Variants in PPP1R3C observed in about 807,000 individuals in gnomAD.
The protein encoded by PPP1R3C is protein phosphatase 1 regulatory subunit 3C.
A neutral mutation model predicts 29.3 loss-of-function variants in PPP1R3C; 20 were observed. That is an observed-to-expected ratio of 0.68 (90% CI 0.48 to 0.99). The LOEUF (loss-of-function observed/expected upper bound fraction) is 0.99, where lower values mean the gene tolerates loss of function less well. PPP1R3C is among the 50% of genes least tolerant of loss of function. The pLI is 0.00. For missense variants in PPP1R3C, 321 were observed against 386.0 expected, an observed-to-expected ratio of 0.83 and a Z score of 1.41; for synonymous variants, 123 against 143.1, an observed-to-expected ratio of 0.86 and a Z score of 1.00.
In PPP1R3C at chr10:91,630,512, G is replaced by A. The variant is rs758798715; in HGVS notation, c.369C>T (p.Ser123=). The A allele has an allele frequency of 1.2e-6, 2 of 1,614,056 alleles. No homozygotes were observed. Among genetic ancestry groups the A allele is most frequent in the African/African-American group, 2.7e-5 (2 of 74,934 alleles). The change falls in exon 2 of 2, where the codon TCC becomes TCT. Residue 123 remains serine, a synonymous_variant. Coordinates refer to ENST00000238994, the MANE Select transcript of PPP1R3C (RefSeq NM_005398.7). This position sits in a 1 kb window ranked among gnomAD's most constrained non-coding sequence, Gnocchi z 4.4. ...QFDLLDLNDI[S]SALKHHEEKN... ...TCTCCTCGTGGTGTTTTAAGGCAGA[G>A]GAGATATCATTAAGGTCCAAGAGAT... is the stretch of plus-strand genomic sequence containing the variant.
chr10:91,631,590 T>C (rs761150729), intron 1 of PPP1R3C, among the ~76,000 whole-genome samples: 1 of 151,882 alleles, frequency 6.6e-6, no homozygotes, highest in Non-Finnish European at 1.5e-5. Flanking sequence ...AGTCAAAGAA[T>C]CATCTTTGCA....
At chr10:91,632,728 T>G (rs1848730079) in intron 1 of PPP1R3C, among the ~76,000 whole-genome samples, 1 of 152,132 alleles carries the variant, frequency 6.6e-6, no homozygotes, top group African/African-American at 2.4e-5. Flanking sequence ...GTTAAGATAA[T>G]TTCTGCTTTA....
chr10:91,630,120 T>C lies in PPP1R3C; in HGVS notation c.761A>G (p.Tyr254Cys). The change falls in exon 2 of 2, where the codon TAT becomes TGT. Residue 254 changes from tyrosine to cysteine, a missense_variant. Physicochemically the swap from Tyr to Cys is radical, Grantham distance 194. Transcript: ENST00000238994. The surrounding 1 kb of genome is among the most constrained non-coding windows in gnomAD (Gnocchi z 4.4). Reference sequence around the variant, plus strand: ...CTTCCATTGAACATGAACAATTCTATAATTCTGACCATCATTGTTGTCCCA... The same window carrying C: ...CTTCCATTGAACATGAACAATTCTACAATTCTGACCATCATTGTTGTCCCA... ...VFWDNNDGQN[Y>C]RIVHVQWKPD... is the part of the protein sequence containing the mutation. 2.5e-6 allele frequency: 4 copies of C among 1,614,228 alleles called. No individual in the cohort carries two copies. The highest frequency in any genetic ancestry group is 3.4e-6 in the Non-Finnish European group (4 of 1,180,044).
Position 91,630,823 on chromosome 10 carries a change from T to C in PPP1R3C, c.58A>G (p.Met20Val), listed in dbSNP as rs750492579. 3 of 1,613,832 alleles carry C rather than the reference T, an allele frequency of 1.9e-6. No homozygotes were observed. The highest frequency in any genetic ancestry group is 1.7e-5 in the Admixed American group (1 of 60,012). ...LDPRPLTSSVMPVDVAMRLCL... is the reference protein window; with the variant it reads ...LDPRPLTSSVVPVDVAMRLCL... ...AGCCTCATGGCCACATCCACGGGCATGACCGAACTTGTCAAAGGACGTGGA... is the reference window on the plus strand; with the variant it reads ...AGCCTCATGGCCACATCCACGGGCACGACCGAACTTGTCAAAGGACGTGGA... Residue 20 changes from methionine (M) to valine (V), a missense_variant, in exon 2 of 2, where the codon ATG becomes GTG. Transcript: ENST00000238994. This position sits in a 1 kb window ranked among gnomAD's most constrained non-coding sequence, Gnocchi z 4.4.
At position 91,629,978 on chromosome 10, in the gene PPP1R3C, G is replaced by A. The variant is rs1313501200; in HGVS notation, c.903C>T (p.Phe301=). 1.9e-6 allele frequency: 3 copies of A among 1,614,200 alleles called. No individual in the cohort carries two copies. Among genetic ancestry groups the A allele is most frequent in the South Asian group, 1.1e-5 (1 of 91,078 alleles). ...TTCTCCCCCAGCTCTGCCACTCTGG[G>A]AAGAGCCCACTAGCCAGCCTCGGAC... ...FGSPRLASGL[F]PEWQSWGRME... Residue 301 remains phenylalanine (F), a synonymous_variant, in exon 2 of 2, where the codon TTC becomes TTT. Transcript: ENST00000238994.
intron 1 of PPP1R3C, 25 bp downstream of exon 1, chr10:91,632,931 G>C: frequency 1.2e-6 from 2 of 1,610,240 alleles, no homozygotes; most frequent in Non-Finnish European, 1.7e-6. Context: ...TGTGTTCCTA[G>C]CGCGCAGAGT....
chr10:91,630,366 G>A lies in PPP1R3C; in HGVS notation c.515C>T (p.Thr172Ile). 6.2e-7 allele frequency: 1 copy of A among 1,614,140 alleles called. No homozygotes were observed. Among genetic ancestry groups the A allele is most frequent in the Non-Finnish European group, 8.5e-7 (1 of 1,180,024 alleles). The change falls in exon 2 of 2, where the codon ACT becomes ATT. Residue 172 changes from threonine to isoleucine, a missense_variant. Physicochemically the swap from Thr to Ile is moderately conservative, Grantham distance 89. Transcript: ENST00000238994. The surrounding 1 kb of genome is among the most constrained non-coding windows in gnomAD (Gnocchi z 4.4). ...AAAACTCACATTTTTGACTTTAACA[G>A]TCCCTGTCACTGTTCGCTCTTGCAA... ...CSLQERTVTG[T>I]VKVKNVSFEK...
At position 91,630,546 on chromosome 10, in the gene PPP1R3C, A is replaced by C. The variant is rs1848706439; in HGVS notation, c.335T>G (p.Leu112Arg). Residue 112 changes from leucine (L) to arginine (R), a missense_variant, in exon 2 of 2, where the codon CTG becomes CGG. Leu to Arg is a moderately radical substitution (Grantham distance 102, BLOSUM62 -2). Coordinates refer to ENST00000238994, the MANE Select transcript of PPP1R3C (RefSeq NM_005398.7). The surrounding 1 kb of genome is among the most constrained non-coding windows in gnomAD (Gnocchi z 4.4). Reference sequence around the variant, plus strand: ...ATTAAGGTCCAAGAGATCAAACTGCAGATCCCACGCTGGTTCTTCTGGGAG... The same window carrying C: ...ATTAAGGTCCAAGAGATCAAACTGCCGATCCCACGCTGGTTCTTCTGGGAG... ...SDLPEEPAWDLQFDLLDLNDI... is the reference protein window; with the variant it reads ...SDLPEEPAWDRQFDLLDLNDI... The C allele has an allele frequency of 6.2e-7, 1 of 1,614,064 alleles. No homozygotes were observed.
Position 91,633,031 on chromosome 10 carries a change from A to C in PPP1R3C, c.-62T>G, listed in dbSNP as rs1433824404. Reference sequence around the variant, plus strand: ...CGCTGCCTGCACAAATTCGAACCACAGCTCCAGGCCTTGCCCCCGCGGCGG... The same window carrying C: ...CGCTGCCTGCACAAATTCGAACCACCGCTCCAGGCCTTGCCCCCGCGGCGG... On this transcript the variant is annotated 5_prime_UTR_variant, in exon 1 of 2. Transcript: ENST00000238994. 1 of 1,591,744 alleles carries C rather than the reference A, an allele frequency of 6.3e-7. No individual in the cohort carries two copies. Among genetic ancestry groups the C allele is most frequent in the Non-Finnish European group, 8.6e-7 (1 of 1,168,500 alleles).
At chr10:91,632,062 T>C (rs1848722681) in intron 1 of PPP1R3C, among the ~76,000 whole-genome samples, 4 of 152,188 alleles carry the variant, frequency 2.6e-5, no homozygotes, top group Admixed American at 2.6e-4. Flanking sequence ...GGTATTAAGA[T>C]TTTTTTCCCT....
At chr10:91,632,104 T>C (rs1848723253) in intron 1 of PPP1R3C, among the ~76,000 whole-genome samples, 1 of 152,216 alleles carries the variant, frequency 6.6e-6, no homozygotes, top group Admixed American at 6.5e-5. Flanking sequence ...GGTGTGTGTA[T>C]ACTGTACACG....
intron 1 of PPP1R3C, among the ~76,000 whole-genome samples, chr10:91,631,646 C>T (rs188248468): frequency 1.3e-5 from 2 of 152,066 alleles, no homozygotes; most frequent in Admixed American, 1.3e-4. Flanking sequence ...CACTGAAATA[C>T]AAGCCAACAA....
Position 91,629,682 on chromosome 10 carries a change from G to T in PPP1R3C, c.*245C>A. On this transcript the variant is annotated 3_prime_UTR_variant, in exon 2 of 2. Coordinates refer to ENST00000238994, the MANE Select transcript of PPP1R3C (RefSeq NM_005398.7). ...GGGAAGGAAGAAGGGAACTGAAAAA[G>T]TATTACCTTTATAAAAATAGTTTTC... 1.8e-6 allele frequency: 1 copy of T among 558,438 alleles called. No individual in the cohort carries two copies. The highest frequency in any genetic ancestry group is 3.2e-6 in the Non-Finnish European group (1 of 313,048). 34.6% of individuals were successfully genotyped at this position (558,438 alleles called of 1,614,324 possible). A position where few individuals can be genotyped will look rare whatever the true frequency, so the allele number is the denominator to read the frequency against.
In PPP1R3C at chr10:91,633,024, G is replaced by A. The variant is rs896719462; in HGVS notation, c.-55C>T. 3.2e-5 allele frequency: 51 copies of A among 1,598,260 alleles called. No homozygotes were observed. Among genetic ancestry groups the A allele is most frequent in the Admixed American group, 1.4e-4 (8 of 57,938 alleles). On this transcript the variant is annotated 5_prime_UTR_variant, in exon 1 of 2. Coordinates refer to ENST00000238994, the MANE Select transcript of PPP1R3C (RefSeq NM_005398.7). ...CAGCACCCGCTGCCTGCACAAATTC[G>A]AACCACAGCTCCAGGCCTTGCCCCC... is the stretch of plus-strand genomic sequence containing the variant.
chr10:91,632,974 CAG>C lies in PPP1R3C; in HGVS notation c.-7_-6del. On this transcript the variant is annotated 5_prime_UTR_variant, in exon 1 of 2. Transcript: ENST00000238994. ...AACCTACCTGGTGCAGCTCATTAGG[CAG>C]AGAGGCGGCGGACCCTAAAAGCCAG... The C allele has an allele frequency of 6.2e-7, 1 of 1,612,664 alleles. No individual in the cohort carries two copies. Among genetic ancestry groups the C allele is most frequent in the Non-Finnish European group, 8.5e-7 (1 of 1,179,472 alleles).
Position 91,629,983 on chromosome 10 carries a change from G to A in PPP1R3C, c.898C>T (p.Leu300Phe). The A allele has an allele frequency of 1.2e-6, 2 of 1,614,216 alleles. No individual in the cohort carries two copies. Among genetic ancestry groups the A allele is most frequent in the Non-Finnish European group, 1.7e-6 (2 of 1,180,044 alleles). ...IFGSPRLASG[L>F]FPEWQSWGRM... ...CCCCAGCTCTGCCACTCTGGGAAGAGCCCACTAGCCAGCCTCGGACTGCCA... is the reference window on the plus strand; with the variant it reads ...CCCCAGCTCTGCCACTCTGGGAAGAACCCACTAGCCAGCCTCGGACTGCCA... Residue 300 changes from leucine (L) to phenylalanine (F), a missense_variant, in exon 2 of 2, where the codon CTC (leucine) becomes TTC (phenylalanine). Leu to Phe is a conservative substitution (Grantham distance 22, BLOSUM62 0). Coordinates refer to ENST00000238994, the MANE Select transcript of PPP1R3C (RefSeq NM_005398.7).
Position 91,630,843 on chromosome 10 carries a change from C to T in PPP1R3C, c.38G>A (p.Arg13His), listed in dbSNP as rs532150057. The change falls in exon 2 of 2, where the codon CGT becomes CAT. Residue 13 changes from arginine to histidine, a missense_variant. Arg to His is a conservative substitution (Grantham distance 29, BLOSUM62 0). Coordinates refer to ENST00000238994, the MANE Select transcript of PPP1R3C (RefSeq NM_005398.7). This position sits in a 1 kb window ranked among gnomAD's most constrained non-coding sequence, Gnocchi z 4.4. Reference sequence around the variant, plus strand: ...GGGCATGACCGAACTTGTCAAAGGACGTGGATCTAAAACCTGGATCATTCT... The same window carrying T: ...GGGCATGACCGAACTTGTCAAAGGATGTGGATCTAAAACCTGGATCATTCT... ...CTRMIQVLDP[R>H]PLTSSVMPVD... 3.7e-6 allele frequency: 6 copies of T among 1,612,724 alleles called. No individual in the cohort carries two copies. Among genetic ancestry groups the T allele is most frequent in the East Asian group, 2.2e-5 (1 of 44,878 alleles).
intron 1 of PPP1R3C, 134 bp downstream of exon 1, chr10:91,632,822 A>C: frequency 7.4e-7 from 1 of 1,345,566 alleles, no homozygotes. Context: ...GCCAGATTCA[A>C]CTACGCAGTC....
At position 91,628,868 on chromosome 10, in the gene PPP1R3C, C is replaced by T. The variant is rs113405049; in HGVS notation, c.*1059G>A. 101 of 152,596 alleles carry T rather than the reference C, an allele frequency of 6.6e-4. 1 individual carries two copies. Among genetic ancestry groups the T allele is most frequent in the African/African-American group, 2.1e-3 (86 of 41,530 alleles). The allele number at this position is 152,596 out of a possible 1,614,324, so 9.5% of individuals were successfully genotyped here. ...TTGAGAATCCTAGTGTCGGGCCTCA[C>T]GTCAAGCATCACATCAAAAAAGTGT... On this transcript the variant is annotated 3_prime_UTR_variant, in exon 2 of 2. Coordinates refer to ENST00000238994, the MANE Select transcript of PPP1R3C (RefSeq NM_005398.7).
Sources: allele counts gnomAD v4.1 joint callset (sites outside exome capture counted in the v4.1 genomes callset), GRCh38; gene constraint gnomAD v4.1.1; non-coding constraint Gnocchi (gnomAD v3.1); transcripts MANE v1.5; gene names NCBI Gene and HGNC (gene_info 2026-07-23, HGNC 2026-07-21).